Variants in SUSD5 observed in about 807,000 individuals in gnomAD.
SUSD5 encodes sushi domain containing 5, also known as sushi domain-containing protein 5.
SUSD5 carries 33 observed loss-of-function variants against 29.5 expected under a neutral mutation model. The ratio of observed to expected loss-of-function variants is 1.12; its 90% CI spans 0.85 to 1.49. The LOEUF (loss-of-function observed/expected upper bound fraction) is 1.49. SUSD5 is among the 40% of genes most tolerant of loss of function. The pLI, the probability that SUSD5 is intolerant of heterozygous loss-of-function variation, is 0.00. For synonymous variants in SUSD5, 308 were observed against 325.3 expected, an observed-to-expected ratio of 0.95 and a Z score of 0.57; for missense variants, 776 against 800.6, an observed-to-expected ratio of 0.97 and a Z score of 0.37.
chr3:33,155,422 A>G (rs1013980701), intron 4 of SUSD5, among the ~76,000 whole-genome samples: 2 of 152,246 alleles, frequency 1.3e-5, no homozygotes, highest in African/African-American at 4.8e-5. Context: ...ACAGACCGAC[A>G]ATATCAAATG....
chr3:33,150,108 A>G lies in SUSD5; in HGVS notation c.*2634T>C, dbSNP rs1405326089. 1 of 152,062 alleles carries G rather than the reference A, an allele frequency of 6.6e-6. No homozygotes were observed. Among genetic ancestry groups the G allele is most frequent in the Non-Finnish European group, 1.5e-5 (1 of 68,010 alleles). 9.4% of individuals were successfully genotyped at this position (152,062 alleles called of 1,614,324 possible). On this transcript the variant is annotated 3_prime_UTR_variant, in exon 5 of 5. Transcript: ENST00000309558. The stretch of plus-strand genomic sequence containing the variant: ...TGTGTTAATAGAACCCCCTCCCCCA[A>G]TTTTCATGAGCATTAAACATTCACC...
intron 2 of SUSD5, 137 bp from the exon 3 acceptor site, chr3:33,208,063 G>A (rs916976637): frequency 7.5e-5 from 47 of 630,684 alleles, no homozygotes; most frequent in Middle Eastern, 8.6e-4. Context: ...CATAAATCTG[G>A]ACACATTCTC....
chr3:33,210,129 A>G (rs1002321306), intron 2 of SUSD5, among the ~76,000 whole-genome samples: 1 of 152,216 alleles, frequency 6.6e-6, no homozygotes, highest in Admixed American at 6.5e-5. Flanking sequence ...TTGTTTGTTG[A>G]AATTAATTGA....
At chr3:33,188,777 G>A (rs1217471811) in intron 3 of SUSD5, among the ~76,000 whole-genome samples, 1 of 152,180 alleles carries the variant, frequency 6.6e-6, no homozygotes, top group African/African-American at 2.4e-5. Context: ...CTGGGGTGAA[G>A]AAAATGTTCT....
At chr3:33,177,491 T>A (rs2031577039) in intron 3 of SUSD5, among the ~76,000 whole-genome samples, 1 of 152,182 alleles carries the variant, frequency 6.6e-6, no homozygotes, top group Non-Finnish European at 1.5e-5. Context: ...CTAATATAAA[T>A]GGTAACATGG....
At chr3:33,162,061 T>G (rs1472712637) in intron 4 of SUSD5, among the ~76,000 whole-genome samples, 2 of 152,156 alleles carry the variant, frequency 1.3e-5, no homozygotes, top group Admixed American at 6.5e-5. Flanking sequence ...TTTTACAAAA[T>G]AGACCATAAA....
rs2030961880 is a variant in SUSD5 at position 33,153,338 on chromosome 3, T to TCATGC, written c.1289_1293dup (p.Thr432AlafsTer2). 1.9e-6 allele frequency: 3 copies of TCATGC among 1,613,848 alleles called. No individual in the cohort carries two copies. The highest frequency in any genetic ancestry group is 2.5e-6 in the Non-Finnish European group (3 of 1,179,858). Reference sequence around the variant, plus strand: ...TGAGATGGAAGAACTGAACTATGGGTCATGCCCTCGCTTGGTGTGAGGGTG... The same window carrying TCATGC: ...TGAGATGGAAGAACTGAACTATGGGTCATGCCATGCCCTCGCTTGGTGTGAGGGTG... On this transcript the variant is annotated frameshift_variant, in exon 5 of 5. Transcript: ENST00000309558. LOFTEE classifies it low-confidence loss of function (END_TRUNC).
chr3:33,203,713 A>C (rs116156425), intron 3 of SUSD5, among the ~76,000 whole-genome samples: 5,830 of 152,192 alleles, frequency 0.038, 320 homozygotes, highest in African/African-American at 0.13. Flanking sequence ...CTGCCTCTGG[A>C]ACACATCCGG....
intron 3 of SUSD5, among the ~76,000 whole-genome samples, chr3:33,185,364 G>C (rs2031756799): frequency 6.6e-6 from 1 of 152,190 alleles, no homozygotes; most frequent in Non-Finnish European, 1.5e-5. Flanking sequence ...GGACCTGATA[G>C]AGCTCCTGGA....
At chr3:33,192,370 G>T (rs550515968) in intron 3 of SUSD5, among the ~76,000 whole-genome samples, 1 of 150,960 alleles carries the variant, frequency 6.6e-6, no homozygotes, top group Non-Finnish European at 1.5e-5. Flanking sequence ...TGGGATTACA[G>T]GCATGAGCCA....
Position 33,153,572 on chromosome 3 carries a change from T to A in SUSD5, c.1060A>T (p.Asn354Tyr), listed in dbSNP as rs754320345. The stretch of plus-strand genomic sequence containing the variant: ...ACTGGATCTCCTGCCTTGCTGTCAT[T>A]CTTGCCCACAAATGGCCCCGAGGGA... ...DGPSGPFVGK[N>Y]DSKAGDPVVS... is the part of the protein sequence containing the mutation. Residue 354 changes from asparagine (N) to tyrosine (Y), a missense_variant, in exon 5 of 5, where the codon AAT becomes TAT. Physicochemically the swap from Asn to Tyr is moderately radical, Grantham distance 143. Transcript: ENST00000309558. 5 of 1,613,998 alleles carry A rather than the reference T, an allele frequency of 3.1e-6. No individual in the cohort carries two copies. In the Admixed American group the frequency reaches 8.3e-5, roughly 27 times the overall value.
At chr3:33,195,144 G>A (rs1460335402) in intron 3 of SUSD5, among the ~76,000 whole-genome samples, 3 of 152,188 alleles carry the variant, frequency 2.0e-5, no homozygotes, top group African/African-American at 4.8e-5. Context: ...GCAGTGACCC[G>A]AGACTGTGCC....
chr3:33,209,481 G>C (rs2032282702), intron 2 of SUSD5, among the ~76,000 whole-genome samples: 1 of 150,390 alleles, frequency 6.6e-6, no homozygotes, highest in Non-Finnish European at 1.5e-5. Context: ...ATTTATTCTG[G>C]ATATCTTCCT....
At chr3:33,186,742 G>A (rs1415688588) in intron 3 of SUSD5, among the ~76,000 whole-genome samples, 3 of 152,170 alleles carry the variant, frequency 2.0e-5, no homozygotes, top group East Asian at 1.9e-4. Flanking sequence ...TCTTAAAGAC[G>A]CTCATTGCTA....
chr3:33,201,741 G>A (rs2032121137), intron 3 of SUSD5, among the ~76,000 whole-genome samples: 1 of 152,164 alleles, frequency 6.6e-6, no homozygotes, highest in African/African-American at 2.4e-5. Flanking sequence ...CCCCAAGCAT[G>A]TGCTGACCCA....
intron 3 of SUSD5, among the ~76,000 whole-genome samples, chr3:33,198,850 T>TG (rs1295284928): frequency 1.3e-5 from 2 of 152,112 alleles, no homozygotes; most frequent in Admixed American, 1.3e-4. Flanking sequence ...AGCTTTTACT[T>TG]GGGGGAAAGA....
intron 4 of SUSD5, among the ~76,000 whole-genome samples, chr3:33,174,129 G>A (rs974644897): frequency 1.3e-5 from 2 of 152,178 alleles, no homozygotes; most frequent in Admixed American, 1.3e-4. Context: ...GACTCCACAG[G>A]TCACTCCTGG....
At chr3:33,174,700 T>A (rs1174638336) in intron 4 of SUSD5, among the ~76,000 whole-genome samples, 186 bp downstream of exon 4, 1 of 152,222 alleles carries the variant, frequency 6.6e-6, no homozygotes, top group African/African-American at 2.4e-5. Flanking sequence ...CAGTTGTGCA[T>A]TTGAAATGCT....
At chr3:33,197,322 A>G (rs2032014168) in intron 3 of SUSD5, among the ~76,000 whole-genome samples, 1 of 152,216 alleles carries the variant, frequency 6.6e-6, no homozygotes, top group Non-Finnish European at 1.5e-5. Context: ...AGAGAGAATG[A>G]TAACACCCTG....
Sources: gnomAD v4.1 joint callset for allele counts (sites outside exome capture counted in the v4.1 genomes callset) on GRCh38, gnomAD v4.1.1 for gene constraint, MANE v1.5 for transcripts, NCBI Gene and HGNC (gene_info 2026-07-23, HGNC 2026-07-21) for gene names.